The following ADARB2 variants were observed in gnomAD, a reference collection of about 807,000 sequenced individuals.
The protein encoded by ADARB2 is inactive double-stranded RNA-specific editase B2.
In ADARB2, 25 loss-of-function variants were observed where a neutral mutation model predicts 62.2. The ratio of observed to expected loss-of-function variants is 0.40; its 90% confidence interval spans 0.29 to 0.56. The LOEUF (loss-of-function observed/expected upper bound fraction) is 0.56, where lower values mean the gene tolerates loss of function less well. ADARB2 is among the 20% of genes least tolerant of loss of function. The pLI is 0.43. For synonymous variants in ADARB2, 572 were observed against 500.8 expected (o/e 1.14, Z -1.90); for missense variants, 1,071 against 1,077.4 (o/e 0.99, Z 0.08).
In ADARB2 at chr10:1,687,326, G is replaced by A. The variant is rs1043381872; in HGVS notation, c.100+49725C>T. Among the ~76,000 whole-genome samples, 16 of 152,120 alleles carry A rather than the reference G, an allele frequency of 1.1e-4. No individual in the cohort carries two copies. The East Asian group carries it at 2.3e-3, about 22-fold the overall frequency. Reference sequence around the variant, plus strand: ...CAGCTGTGAGCCACCACGCCCAGGCGTGACATTTCTGTCACAGGGACTCCA... The same window carrying A: ...CAGCTGTGAGCCACCACGCCCAGGCATGACATTTCTGTCACAGGGACTCCA... On this transcript the variant is annotated intron_variant, in intron 1 of 9. Transcript: ENST00000381312.
intron 1 of ADARB2, among the ~76,000 whole-genome samples, chr10:1,412,670 G>A (rs552267286): frequency 2.2e-4 from 33 of 152,220 alleles, no homozygotes; most frequent in African/African-American, 7.9e-4. Context: ...AATGGACCAC[G>A]TAATGAGTCA....
chr10:1,675,246 C>A (rs1428521081), intron 1 of ADARB2: 2 of 946,416 alleles, frequency 2.1e-6, no homozygotes, highest in African/African-American at 4.5e-5. Flanking sequence ...GGTTTGGGTT[C>A]AGGGATGCAT....
chr10:1,657,532 T>C (rs6560753), intron 1 of ADARB2, among the ~76,000 whole-genome samples: 35,945 of 152,118 alleles, frequency 0.24, 4,625 homozygotes, highest in Middle Eastern at 0.31. Context: ...ACTCACCATC[T>C]CTCTCCCCTC....
At chr10:1,448,066 GA>G (rs1365095885) in intron 1 of ADARB2, among the ~76,000 whole-genome samples, 8 of 152,154 alleles carry the variant, frequency 5.3e-5, no homozygotes, top group Non-Finnish European at 8.8e-5. Context: ...TTATGGTATA[GA>G]AAAACAGTAT....
intron 1 of ADARB2, among the ~76,000 whole-genome samples, chr10:1,607,534 A>G (rs1380294654): frequency 6.6e-6 from 1 of 152,008 alleles, no homozygotes; most frequent in Non-Finnish European, 1.5e-5. Flanking sequence ...CACATCCCAG[A>G]CACCAGGCAC....
chr10:1,723,147 T>C (rs955551703), intron 1 of ADARB2, among the ~76,000 whole-genome samples: 3 of 152,256 alleles, frequency 2.0e-5, no homozygotes, highest in African/African-American at 7.2e-5. Context: ...TTGTGTGTCA[T>C]GGTCCTATGA....
intron 1 of ADARB2, among the ~76,000 whole-genome samples, chr10:1,405,567 G>C (rs1285117027): frequency 6.9e-6 from 1 of 145,972 alleles, no homozygotes; most frequent in African/African-American, 2.5e-5. Flanking sequence ...GAGGCAGAGA[G>C]GTTGCAGTGA....
At chr10:1,302,170 C>T (rs930301331) in intron 3 of ADARB2, among the ~76,000 whole-genome samples, 2 of 152,160 alleles carry the variant, frequency 1.3e-5, no homozygotes, top group Non-Finnish European at 2.9e-5. Flanking sequence ...AGTGGGTGCG[C>T]ACACCGTGCG....
chr10:1,630,487 C>G (rs1366955155), intron 1 of ADARB2, among the ~76,000 whole-genome samples: 1 of 152,086 alleles, frequency 6.6e-6, no homozygotes, highest in Admixed American at 6.5e-5. Context: ...TCAGAAGCCA[C>G]GAGTCATTTA....
chr10:1,441,560 A>G (rs1830907282), intron 1 of ADARB2, among the ~76,000 whole-genome samples: 1 of 152,210 alleles, frequency 6.6e-6, no homozygotes, highest in Non-Finnish European at 1.5e-5. Context: ...CTCACATTCA[A>G]TCCTTCCTAT....
intron 1 of ADARB2, among the ~76,000 whole-genome samples, chr10:1,380,404 G>C (rs1832472451): frequency 6.6e-6 from 1 of 152,358 alleles, no homozygotes; most frequent in Admixed American, 6.5e-5. Context: ...AGGTCACTGA[G>C]TTTACATCAC....
chr10:1,637,067 G>C (rs1833925751), intron 1 of ADARB2, among the ~76,000 whole-genome samples: 1 of 151,828 alleles, frequency 6.6e-6, no homozygotes, highest in African/African-American at 2.4e-5. Flanking sequence ...AAAGGCTGTT[G>C]CTTAAATCTT....
chr10:1,553,422 C>T (rs544604677), intron 1 of ADARB2, among the ~76,000 whole-genome samples: 16 of 152,240 alleles, frequency 1.1e-4, no homozygotes, highest in Admixed American at 7.2e-4. Context: ...GAGAGGCACC[C>T]GACCTCTCAC....
chr10:1,587,663 C>A (rs896590692), intron 1 of ADARB2, among the ~76,000 whole-genome samples: 2 of 152,076 alleles, frequency 1.3e-5, no homozygotes, highest in African/African-American at 4.8e-5. Flanking sequence ...TGAAACCAAG[C>A]ATTTTATTTT....
chr10:1,511,057 A>T (rs72764946), intron 1 of ADARB2, among the ~76,000 whole-genome samples: 1 of 152,060 alleles, frequency 6.6e-6, no homozygotes, highest in Non-Finnish European at 1.5e-5. Flanking sequence ...GTTTTGCCAC[A>T]TGGGCCAGGC....
Position 1,704,366 on chromosome 10 carries a change from A to G in ADARB2, c.100+32685T>C, listed in dbSNP as rs1270296200. 6.6e-6 allele frequency among the ~76,000 whole-genome samples: 1 copy of G among 152,146 alleles called. No individual in the cohort carries two copies. Among genetic ancestry groups the G allele is most frequent in the African/African-American group, 2.4e-5 (1 of 41,434 alleles). Reference sequence around the variant, plus strand: ...TGCAACTCGATGGCCCCACCTGGGGATGATGGGAGACAGTGACAGATCATC... The same window carrying G: ...TGCAACTCGATGGCCCCACCTGGGGGTGATGGGAGACAGTGACAGATCATC... On this transcript the variant is annotated intron_variant, in intron 1 of 9. Coordinates refer to ENST00000381312, the MANE Select transcript of ADARB2 (RefSeq NM_018702.4). The surrounding 1 kb of genome is among the most constrained non-coding windows in gnomAD (Gnocchi z 5.6).
At chr10:1,581,437 G>T (rs1033817783) in intron 1 of ADARB2, among the ~76,000 whole-genome samples, 1 of 152,208 alleles carries the variant, frequency 6.6e-6, no homozygotes, top group African/African-American at 2.4e-5. Flanking sequence ...CCCAGAGCAG[G>T]AGGCGCAACA....
Position 1,684,049 on chromosome 10 carries a change from C to T in ADARB2, c.100+53002G>A, listed in dbSNP as rs61831975. ...ATCACAATGAGACAATGATAAGACC[C>T]TCTTCAGGGAGTGAAGTGCGTTTCA... On this transcript the variant is annotated intron_variant, in intron 1 of 9. Transcript: ENST00000381312. Among the ~76,000 whole-genome samples the T allele has an allele frequency of 7.3e-3, 1,107 of 152,362 alleles. 10 individuals are homozygous for T. Among genetic ancestry groups the T allele is most frequent in the Middle Eastern group, 0.017 (5 of 294 alleles).
intron 1 of ADARB2, among the ~76,000 whole-genome samples, chr10:1,468,589 G>A (rs1365937141): frequency 6.6e-6 from 1 of 152,218 alleles, no homozygotes. Context: ...GCGGCAGGCA[G>A]TGGCTGGTGC....
Sources: gnomAD v4.1 joint callset for allele counts (sites outside exome capture counted in the v4.1 genomes callset) on GRCh38, gnomAD v4.1.1 for gene constraint, Gnocchi (gnomAD v3.1) non-coding constraint, MANE v1.5 for transcripts, NCBI Gene and HGNC (gene_info 2026-07-23, HGNC 2026-07-21) for gene names.